Variants in SSH2 observed in about 807,000 individuals in gnomAD.
SSH2 encodes protein phosphatase Slingshot homolog 2.
Under a neutral mutation model 135.2 loss-of-function variants are expected in SSH2, and 37 were observed. The ratio of observed to expected loss-of-function variants is 0.27; its 90% confidence interval spans 0.21 to 0.36. The LOEUF is 0.36. Among genes scored for constraint, SSH2 ranks in the 10% least tolerant of loss-of-function variants. SSH2 has a pLI of 1.00. For missense variants in SSH2, 1,408 were observed against 1,765.3 expected, an observed-to-expected ratio of 0.80 and a Z score of 3.63; for synonymous variants, 628 against 646.2, an observed-to-expected ratio of 0.97 and a Z score of 0.43.
intron 2 of SSH2, among the ~76,000 whole-genome samples, chr17:29,827,554 T>TAAGGA (rs2042767314): frequency 2.6e-5 from 4 of 152,220 alleles, no homozygotes; most frequent in Non-Finnish European, 4.4e-5. Context: ...CTATTTTAAG[T>TAAGGA]AATAGTCAAC....
chr17:29,815,456 TTGCCA>T (rs1390651363), intron 2 of SSH2, among the ~76,000 whole-genome samples: 4 of 152,134 alleles, frequency 2.6e-5, no homozygotes, highest in Admixed American at 2.6e-4. Flanking sequence ...AGACGGGGTT[TTGCCA>T]TGTTGGCCAG....
chr17:29,696,208 C>CACATAT (rs373379041), intron 4 of SSH2, among the ~76,000 whole-genome samples: 3 of 140,800 alleles, frequency 2.1e-5, no homozygotes, highest in African/African-American at 5.2e-5. Flanking sequence ...CACACACACA[C>CACATAT]ATATGTATAT....
At chr17:29,731,199 C>T (rs1175788651) in intron 3 of SSH2, among the ~76,000 whole-genome samples, 1 of 152,042 alleles carries the variant, frequency 6.6e-6, no homozygotes, top group African/African-American at 2.4e-5. Context: ...AGACAGGTGA[C>T]CTGGAGTTCT....
intron 3 of SSH2, chr17:29,780,635 G>C (rs1313674282): frequency 6.6e-6 from 1 of 151,930 alleles, no homozygotes; most frequent in Non-Finnish European, 1.5e-5. Context: ...ATGTTGGCCA[G>C]GCAGGTCTCG....
chr17:29,650,185 G>A (rs1183163490), intron 13 of SSH2, among the ~76,000 whole-genome samples: 1 of 152,120 alleles, frequency 6.6e-6, no homozygotes, highest in African/African-American at 2.4e-5. Context: ...ATCAACAGAA[G>A]GGCCACAGAA....
chr17:29,827,338 A>T lies in SSH2; in HGVS notation c.144+21511T>A, dbSNP rs188518748. On this transcript the variant is annotated intron_variant, in intron 2 of 15. Transcript: ENST00000540801. ...GCTCAAAGAAGATAAATGACTTCCC[A>T]GTCACAGACAGCATATAGTAGTGCT... 3.3e-5 allele frequency among the ~76,000 whole-genome samples: 5 copies of T among 152,348 alleles called. No homozygotes were observed. The East Asian group carries it at 9.6e-4, about 29-fold the overall frequency.
chr17:29,882,183 T>C (rs1329777990), intron 1 of SSH2, among the ~76,000 whole-genome samples: 1 of 152,182 alleles, frequency 6.6e-6, no homozygotes, highest in Non-Finnish European at 1.5e-5. Context: ...ATATTACTGA[T>C]GGAAGTGTAA....
At chr17:29,914,731 CT>C (rs2066852203) in intron 1 of SSH2, among the ~76,000 whole-genome samples, 1 of 152,112 alleles carries the variant, frequency 6.6e-6, no homozygotes, top group Non-Finnish European at 1.5e-5. Context: ...GCATCTCTAT[CT>C]AAAAAGAATT....
chr17:29,648,904 G>A (rs2036482750), intron 13 of SSH2, among the ~76,000 whole-genome samples: 1 of 152,220 alleles, frequency 6.6e-6, no homozygotes, highest in Admixed American at 6.5e-5. Context: ...ACTTTGGGAG[G>A]CTGAGGCAGG....
At chr17:29,886,438 G>C (rs1471307728) in intron 1 of SSH2, among the ~76,000 whole-genome samples, 3 of 151,958 alleles carry the variant, frequency 2.0e-5, no homozygotes, top group Non-Finnish European at 4.4e-5. Flanking sequence ...TGTTCAAGAA[G>C]AAGCAGCGCA....
intron 1 of SSH2, among the ~76,000 whole-genome samples, chr17:29,862,211 T>C (rs914812877): frequency 2.0e-5 from 3 of 152,184 alleles, no homozygotes; most frequent in African/African-American, 4.8e-5. Context: ...AATTGACTGG[T>C]TCCTTCTTCC....
At chr17:29,774,965 G>T (rs981480828) in intron 3 of SSH2, among the ~76,000 whole-genome samples, 2 of 152,102 alleles carry the variant, frequency 1.3e-5, no homozygotes, top group African/African-American at 4.8e-5. Flanking sequence ...TACTCGTTGT[G>T]CTCTCACTGC....
chr17:29,761,332 C>A, intron 3 of SSH2: 4 of 1,126,542 alleles, frequency 3.6e-6, no homozygotes, highest in Non-Finnish European at 4.4e-6. Flanking sequence ...TGCTCCGGCA[C>A]GAGGCGCAGG....
chr17:29,789,294 C>T (rs1362972922), intron 3 of SSH2, among the ~76,000 whole-genome samples: 1 of 152,196 alleles, frequency 6.6e-6, no homozygotes, highest in African/African-American at 2.4e-5. Context: ...AATGAGAAAG[C>T]ATGTTTGGAA....
intron 2 of SSH2, among the ~76,000 whole-genome samples, chr17:29,805,293 C>T (rs2151318853): frequency 6.6e-6 from 1 of 151,990 alleles, no homozygotes; most frequent in African/African-American, 2.4e-5. Context: ...GTATTTGGGA[C>T]AACAGGTGCC....
intron 3 of SSH2, among the ~76,000 whole-genome samples, chr17:29,721,555 G>C (rs1251658624): frequency 6.6e-6 from 1 of 152,228 alleles, no homozygotes; most frequent in Non-Finnish European, 1.5e-5. Context: ...TAGAAAAGCT[G>C]TATGTAAATC....
chr17:29,899,901 C>G (rs1470852055), intron 1 of SSH2, among the ~76,000 whole-genome samples: 4 of 152,116 alleles, frequency 2.6e-5, no homozygotes, highest in African/African-American at 7.2e-5. Flanking sequence ...GCTACAGTAA[C>G]CAAAACAGCA....
At chr17:29,712,502 G>C (rs1598858373) in intron 3 of SSH2, among the ~76,000 whole-genome samples, 1 of 152,234 alleles carries the variant, frequency 6.6e-6, no homozygotes, top group East Asian at 1.9e-4. Flanking sequence ...TTTTACTTAT[G>C]ATAGTTAAAA....
intron 2 of SSH2, among the ~76,000 whole-genome samples, chr17:29,796,907 G>T (rs2042166604): frequency 6.6e-6 from 1 of 151,382 alleles, no homozygotes. Context: ...CAAACTCCTG[G>T]GTTCAAGCAA....
Sources: gnomAD v4.1 joint callset for allele counts (sites outside exome capture counted in the v4.1 genomes callset) on GRCh38, gnomAD v4.1.1 for gene constraint, MANE v1.5 for transcripts, NCBI Gene and HGNC (gene_info 2026-07-23, HGNC 2026-07-21) for gene names.